DLK1: variants seen among roughly 807,000 people sequenced by gnomAD.
DLK1 encodes protein delta homolog 1.
In DLK1, 9 loss-of-function variants were observed where a neutral mutation model predicts 35.2. The observed-to-expected ratio is 0.26, with a 90% confidence interval of 0.15 to 0.45. DLK1 has a LOEUF of 0.45. Among genes scored for constraint, DLK1 ranks in the 20% least tolerant of loss-of-function variants. The probability of loss-of-function intolerance (pLI) is 1.00; values close to 1 mark genes in which losing one functional copy is unlikely to be tolerated. For missense variants in DLK1, 522 were observed against 528.5 expected (o/e 0.99, Z 0.12); for synonymous variants, 231 against 228.4 (o/e 1.01, Z -0.10).
intron 3 of DLK1, among the ~76,000 whole-genome samples, chr14:100,729,844 G>A (rs1005387768): frequency 5.3e-5 from 8 of 152,168 alleles, no homozygotes; most frequent in African/African-American, 1.4e-4. Context: ...GTAGCAGCCT[G>A]CCCTCAGGGC....
chr14:100,734,188 G>C lies in DLK1; in HGVS notation c.444G>C (p.Glu148Asp). ...CQHGGTCVDD[E>D]GRASHASCLC... ...ACGGAGGCACCTGCGTGGATGATGA[G>C]GGCCGGGCCTCCCATGCCTCCTGCC... is the stretch of plus-strand genomic sequence containing the variant. The change falls in exon 5 of 5, where the codon GAG (glutamate) becomes GAC (aspartate). Residue 148 changes from glutamate to aspartate, a missense_variant. Transcript: ENST00000341267. The surrounding 1 kb of genome is among the most constrained non-coding windows in gnomAD (Gnocchi z 7.4). 1 of 1,612,444 alleles carries C rather than the reference G, an allele frequency of 6.2e-7. No individual in the cohort carries two copies. The highest frequency in any genetic ancestry group is 8.5e-7 in the Non-Finnish European group (1 of 1,179,788).
In DLK1 at chr14:100,734,617, G is replaced by A; in HGVS notation, c.873G>A (p.Glu291=). 3 of 1,613,972 alleles carry A rather than the reference G, an allele frequency of 1.9e-6. No homozygotes were observed. Among genetic ancestry groups the A allele is most frequent in the East Asian group, 2.2e-5 (1 of 44,862 alleles). The change falls in exon 5 of 5, where the codon GAG becomes GAA. Residue 291 remains glutamate, a synonymous_variant. Transcript: ENST00000341267. The surrounding 1 kb of genome is among the most constrained non-coding windows in gnomAD (Gnocchi z 7.4). ...EHRILKVSMK[E]LNKKTPLLTE... is the part of the protein sequence containing the mutation. ...GCATCCTGAAGGTGTCCATGAAAGA[G>A]CTCAACAAGAAAACCCCTCTCCTCA...
intron 3 of DLK1, among the ~76,000 whole-genome samples, chr14:100,729,785 A>G (rs1010297582): frequency 3.3e-5 from 5 of 152,216 alleles, no homozygotes; most frequent in Admixed American, 1.3e-4. Context: ...TGGCAAAACC[A>G]GCCCTAACGT....
At position 100,734,657 on chromosome 14, in the gene DLK1, A is replaced by G. The variant is rs2036550700; in HGVS notation, c.913A>G (p.Ile305Val). ...KTPLLTEGQA[I>V]CFTILGVLTS... ...CCCTCTCCTCACCGAGGGCCAGGCC[A>G]TCTGCTTCACCATCCTGGGCGTGCT... Residue 305 changes from isoleucine (I) to valine (V), a missense_variant, in exon 5 of 5, where the codon ATC becomes GTC. Physicochemically the swap from Ile to Val is conservative, Grantham distance 29. Transcript: ENST00000341267. The surrounding 1 kb of genome is among the most constrained non-coding windows in gnomAD (Gnocchi z 7.4). 3 of 1,614,006 alleles carry G rather than the reference A, an allele frequency of 1.9e-6. No homozygotes were observed. The East Asian group carries it at 6.7e-5, about 36-fold the overall frequency.
At chr14:100,732,427 C>T (rs999521562) in intron 4 of DLK1, among the ~76,000 whole-genome samples, 3 of 152,206 alleles carry the variant, frequency 2.0e-5, no homozygotes, top group African/African-American at 4.8e-5. Context: ...AGTCCCGATG[C>T]GTGTGAGTGA....
intron 4 of DLK1, among the ~76,000 whole-genome samples, chr14:100,733,140 C>T (rs1055228633): frequency 4.6e-5 from 7 of 152,302 alleles, no homozygotes; most frequent in Non-Finnish European, 5.9e-5. Context: ...TCCATTTCTG[C>T]TTATTAGCAG....
At chr14:100,729,123 C>T in intron 3 of DLK1, 57 bp downstream of exon 3, 1 of 1,607,432 alleles carries the variant, frequency 6.2e-7, no homozygotes, top group South Asian at 1.1e-5. Context: ...TGCCCTAGCC[C>T]CTACCACCTC....
chr14:100,732,641 G>A (rs902630025), intron 4 of DLK1, among the ~76,000 whole-genome samples: 2 of 152,208 alleles, frequency 1.3e-5, no homozygotes, highest in African/African-American at 2.4e-5. Context: ...GAGAGGTGAA[G>A]AGATTGGGCT....
rs184603085 is a variant in DLK1, at chr14:100,726,914, T to G, written c.-155T>G. 1.7e-6 allele frequency: 1 copy of G among 592,014 alleles called. No homozygotes were observed. Among genetic ancestry groups the G allele is most frequent in the Non-Finnish European group, 2.4e-6 (1 of 416,014 alleles). 36.7% of individuals were successfully genotyped at this position (592,014 alleles called of 1,614,324 possible). A position where few individuals can be genotyped will look rare whatever the true frequency, so the allele number is the denominator to read the frequency against. ...GGCGGCAGCTCCCCGGCAGCGGCGGTGGAGAGCGCAGCGCGCAGCCCGGTG... is the reference window on the plus strand; with the variant it reads ...GGCGGCAGCTCCCCGGCAGCGGCGGGGGAGAGCGCAGCGCGCAGCCCGGTG... On this transcript the variant is annotated 5_prime_UTR_variant, in exon 1 of 5. Transcript: ENST00000341267. The surrounding 1 kb of genome is among the most constrained non-coding windows in gnomAD (Gnocchi z 4.2).
chr14:100,736,447 A>C lies in DLK1; in HGVS notation c.*1551A>C, dbSNP rs1360788797. On this transcript the variant is annotated 3_prime_UTR_variant, in exon 5 of 5. Transcript: ENST00000341267. ...TCAGTCACATCAGTCACCCACACAC[A>C]ACTCACAGTCACCCATCCATTGGTC... The C allele has an allele frequency of 6.6e-6, 1 of 152,112 alleles. No individual in the cohort carries two copies. The highest frequency in any genetic ancestry group is 1.5e-5 in the Non-Finnish European group (1 of 68,046). 9.4% of individuals were successfully genotyped at this position (152,112 alleles called of 1,614,324 possible). A position where few individuals can be genotyped will look rare whatever the true frequency, so the allele number is the denominator to read the frequency against.
intron 1 of DLK1, among the ~76,000 whole-genome samples, 181 bp from the exon 2 acceptor site, chr14:100,728,215 C>T (rs543432467): frequency 6.6e-6 from 1 of 152,064 alleles, no homozygotes; most frequent in East Asian, 1.9e-4. Context: ...AGATGTTTTT[C>T]CTGAGTGCAC....
At chr14:100,732,017 T>G in intron 3 of DLK1, 25 bp from the exon 4 acceptor site, 1 of 1,599,470 alleles carries the variant, frequency 6.3e-7, no homozygotes, top group East Asian at 2.3e-5. Context: ...GAAGCTAAGT[T>G]CTCGTCTTCC....
chr14:100,735,248 G>A lies in DLK1; in HGVS notation c.*352G>A, dbSNP rs1488113304. 9.8e-6 allele frequency: 2 copies of A among 204,204 alleles called. No individual in the cohort carries two copies. Among genetic ancestry groups the A allele is most frequent in the Non-Finnish European group, 1.9e-5 (2 of 102,688 alleles). The allele number at this position is 204,204 out of a possible 1,614,324, so 12.6% of individuals were successfully genotyped here. ...CGACGCCCCTACCCTGGGGGTCTCGGCCACATGGTCCTCGTGAAACCGTTA... is the reference window on the plus strand; with the variant it reads ...CGACGCCCCTACCCTGGGGGTCTCGACCACATGGTCCTCGTGAAACCGTTA... On this transcript the variant is annotated 3_prime_UTR_variant, in exon 5 of 5. Coordinates refer to ENST00000341267, the MANE Select transcript of DLK1 (RefSeq NM_003836.7).
intron 3 of DLK1, among the ~76,000 whole-genome samples, chr14:100,730,541 C>G (rs2036495471): frequency 6.6e-6 from 1 of 152,198 alleles, no homozygotes; most frequent in South Asian, 2.1e-4. Context: ...CAGCAGAGAC[C>G]CCCAAGCAGC....
rs755873600 is a variant in DLK1, at chr14:100,734,774, C to T, written c.1030C>T (p.Arg344Trp). Residue 344 changes from arginine to tryptophan, a missense_variant, in exon 5 of 5, where the codon CGG becomes TGG. Physicochemically the swap from Arg to Trp is moderately radical, Grantham distance 101. Coordinates refer to ENST00000341267, the MANE Select transcript of DLK1 (RefSeq NM_003836.7). This position sits in a 1 kb window ranked among gnomAD's most constrained non-coding sequence, Gnocchi z 7.4. The stretch of plus-strand genomic sequence containing the variant: ...CAACCTGCGCTACAACCACATGCTG[C>T]GGAAGAAGAAGAACCTGCTGCTTCA... ...VSNLRYNHML[R>W]KKKNLLLQYN... 21 of 1,613,874 alleles carry T rather than the reference C, an allele frequency of 1.3e-5. 1 individual carries two copies. The highest frequency in any genetic ancestry group is 7.7e-5 in the South Asian group (7 of 91,084).
At chr14:100,728,525 C>A in intron 2 of DLK1, 66 bp downstream of exon 2, 1 of 1,575,392 alleles carries the variant, frequency 6.3e-7, no homozygotes. Flanking sequence ...GTCGTGAAGT[C>A]AGGCAGAAAA....
rs1025485991 is a variant in DLK1, at chr14:100,736,279, C to T, written c.*1383C>T. On this transcript the variant is annotated 3_prime_UTR_variant, in exon 5 of 5. Transcript: ENST00000341267. The stretch of plus-strand genomic sequence containing the variant: ...TTTTGGGGTTGGACAGCTAAACAGC[C>T]CTTGGGTACCAGATAGGAATATTTT... 6.6e-6 allele frequency: 1 copy of T among 151,948 alleles called. No individual in the cohort carries two copies. Among genetic ancestry groups the T allele is most frequent in the African/African-American group, 2.4e-5 (1 of 41,310 alleles). The allele number at this position is 151,948 out of a possible 1,614,324, so 9.4% of individuals were successfully genotyped here.
At chr14:100,729,423 G>A (rs1028255020) in intron 3 of DLK1, among the ~76,000 whole-genome samples, 1 of 152,200 alleles carries the variant, frequency 6.6e-6, no homozygotes, top group African/African-American at 2.4e-5. Flanking sequence ...CCCAGTGATG[G>A]ACAGGGCTCT....
rs373835347 is a variant in DLK1, at chr14:100,736,197, C to T, written c.*1301C>T. 2.7e-5 allele frequency: 4 copies of T among 149,198 alleles called. No individual in the cohort carries two copies. The highest frequency in any genetic ancestry group is 9.9e-5 in the African/African-American group (4 of 40,410). The allele number at this position is 149,198 out of a possible 1,614,324, so 9.2% of individuals were successfully genotyped here. On this transcript the variant is annotated 3_prime_UTR_variant, in exon 5 of 5. Coordinates refer to ENST00000341267, the MANE Select transcript of DLK1 (RefSeq NM_003836.7). Reference sequence around the variant, plus strand: ...TTTTTTTTTTTTTAACAAAGAGCATCTATCTTTTTTGCAAAAATAGAAAGA... The same window carrying T: ...TTTTTTTTTTTTTAACAAAGAGCATTTATCTTTTTTGCAAAAATAGAAAGA...
Sources: gnomAD v4.1 joint callset for allele counts (sites outside exome capture counted in the v4.1 genomes callset) on GRCh38, gnomAD v4.1.1 for gene constraint, Gnocchi (gnomAD v3.1) non-coding constraint, MANE v1.5 for transcripts, NCBI Gene and HGNC (gene_info 2026-07-23, HGNC 2026-07-21) for gene names.